The following OSBPL9 variants were observed in gnomAD, a reference collection of about 807,000 sequenced individuals.
OSBPL9 encodes oxysterol-binding protein-related protein 9.
Under a neutral mutation model 106.6 loss-of-function variants are expected in OSBPL9, and 40 were observed. That is an observed-to-expected ratio of 0.38 (90% CI 0.29 to 0.49). The LOEUF is 0.49. Among genes scored for constraint, OSBPL9 ranks in the 20% least tolerant of loss-of-function variants. The pLI, the probability that OSBPL9 is intolerant of heterozygous loss-of-function variation, is 0.97. For synonymous variants in OSBPL9, 269 were observed against 295.4 expected (o/e 0.91, Z 0.92); for missense variants, 609 against 887.2 (o/e 0.69, Z 3.98).
intron 4 of OSBPL9, among the ~76,000 whole-genome samples, chr1:51,716,874 T>TA (rs1016695375): frequency 3.3e-5 from 5 of 151,698 alleles, no homozygotes; most frequent in Non-Finnish European, 5.9e-5. Context: ...TTGCTTTTTT[T>TA]AAAAAAAAAT....
intron 3 of OSBPL9, among the ~76,000 whole-genome samples, chr1:51,683,761 C>T (rs1653133346): frequency 1.3e-5 from 2 of 151,806 alleles, no homozygotes; most frequent in Admixed American, 1.3e-4. Flanking sequence ...CCCCTGCTCT[C>T]CAACCTGGGC....
chr1:51,523,261 T>A, the OSBPL9 span, among the ~76,000 whole-genome samples: 1 of 152,056 alleles, frequency 6.6e-6, no homozygotes, highest in African/African-American at 2.4e-5. Flanking sequence ...GTTTTCTTTT[T>A]TTTGTTTTAT....
intron 5 of OSBPL9, among the ~76,000 whole-genome samples, chr1:51,746,349 CT>C (rs201500661): frequency 0.041 from 6,279 of 152,074 alleles, 159 homozygotes; most frequent in Middle Eastern, 0.065. Flanking sequence ...CCTTCAGTTC[CT>C]ACTTAAAATT....
intron 7 of OSBPL9, among the ~76,000 whole-genome samples, chr1:51,749,069 G>C (rs901663367): frequency 9.2e-5 from 14 of 151,378 alleles, no homozygotes; most frequent in African/African-American, 2.7e-4. Flanking sequence ...TGGGCAACAA[G>C]AGCGAAACTG....
At chr1:51,538,927 T>C in the OSBPL9 span, among the ~76,000 whole-genome samples, 1 of 152,214 alleles carries the variant, frequency 6.6e-6, no homozygotes, top group South Asian at 2.1e-4. Flanking sequence ...ATTTACTCTC[T>C]CTTCGCAGGT....
chr1:51,699,961 T>C (rs1656883911), intron 3 of OSBPL9, among the ~76,000 whole-genome samples: 1 of 152,228 alleles, frequency 6.6e-6, no homozygotes. Context: ...CCAGTTACAG[T>C]CTATCACAAC....
At chr1:51,530,391 GC>G in the OSBPL9 span, among the ~76,000 whole-genome samples, 1 of 151,792 alleles carries the variant, frequency 6.6e-6, no homozygotes, top group African/African-American at 2.4e-5. Flanking sequence ...GAAAATATTT[GC>G]AAATCATATA....
intron 1 of OSBPL9, among the ~76,000 whole-genome samples, chr1:51,592,919 T>C (rs571877230): frequency 2.4e-4 from 36 of 152,286 alleles, no homozygotes; most frequent in Non-Finnish European, 4.6e-4. Flanking sequence ...AAAAGCCAGC[T>C]GGGGCAGGGA....
chr1:51,786,086 G>A (rs1413429653), intron 21 of OSBPL9, 200 bp downstream of exon 21: 2 of 563,262 alleles, frequency 3.6e-6, no homozygotes, highest in Non-Finnish European at 6.2e-6. Context: ...TCTCCCAGCA[G>A]TATAGGTAAT....
At chr1:51,571,559 C>G in the OSBPL9 span, among the ~76,000 whole-genome samples, 2 of 152,012 alleles carry the variant, frequency 1.3e-5, no homozygotes, top group Admixed American at 6.6e-5. Context: ...CCCAGCTACT[C>G]CAGAGGCTGA....
intron 22 of OSBPL9, among the ~76,000 whole-genome samples, chr1:51,787,024 A>G (rs1483879854): frequency 6.6e-6 from 1 of 152,240 alleles, no homozygotes; most frequent in Admixed American, 6.5e-5. Context: ...CTCAAGCCCT[A>G]CAGAGGTAAA....
At chr1:51,701,571 A>G (rs1198949375) in intron 3 of OSBPL9, among the ~76,000 whole-genome samples, 1 of 152,122 alleles carries the variant, frequency 6.6e-6, no homozygotes, top group Non-Finnish European at 1.5e-5. Context: ...CAAATTTACT[A>G]ACTAGAGTAT....
Position 51,761,971 on chromosome 1 carries a change from G to T in OSBPL9, c.778G>T (p.Gly260Cys). The change falls in exon 11 of 24, where the codon GGC (glycine) becomes TGC (cysteine). Residue 260 changes from glycine to cysteine, a missense_variant and splice_region_variant. By Grantham distance (159) the Gly-to-Cys change is radical. Around this residue, in one of 5 missense-constraint regions of OSBPL9, gnomAD observed 356 missense variants for 505.8 expected, o/e 0.70. Coordinates refer to ENST00000428468, the MANE Select transcript of OSBPL9 (RefSeq NM_024586.6). ...TCAGACTCCTACACCAAATAGTACA[G>T]GTACAGATTTGCATAATTTCTTTAT... ...HHQTPTPNST[G>C]SGHSPPSSSL... 6.3e-7 allele frequency: 1 copy of T among 1,589,552 alleles called. No individual in the cohort carries two copies. Among genetic ancestry groups the T allele is most frequent in the South Asian group, 1.1e-5 (1 of 90,558 alleles).
the OSBPL9 span, among the ~76,000 whole-genome samples, chr1:51,530,545 G>T: frequency 6.6e-6 from 1 of 150,772 alleles, no homozygotes; most frequent in Non-Finnish European, 1.5e-5. Context: ...TGAAGCCAAG[G>T]AGTTCAAGAC....
At chr1:51,695,242 G>GGT (rs1007895009) in intron 3 of OSBPL9, among the ~76,000 whole-genome samples, 106 of 152,246 alleles carry the variant, frequency 7.0e-4, no homozygotes, top group African/African-American at 2.4e-3. Flanking sequence ...AGCATGTAGT[G>GGT]GTAAAGAATT....
At chr1:51,542,138 C>T in the OSBPL9 span, among the ~76,000 whole-genome samples, 1 of 152,198 alleles carries the variant, frequency 6.6e-6, no homozygotes, top group Non-Finnish European at 1.5e-5. Context: ...GTCCATCCAC[C>T]CTGGCCTCCC....
chr1:51,711,481 T>A, intron 3 of OSBPL9, among the ~76,000 whole-genome samples: 1 of 128,874 alleles, frequency 7.8e-6, no homozygotes, highest in Non-Finnish European at 1.7e-5. Context: ...CCCACCTCCC[T>A]CCCGGACGGG....
At chr1:51,545,461 T>C in the OSBPL9 span, among the ~76,000 whole-genome samples, 1 of 152,124 alleles carries the variant, frequency 6.6e-6, no homozygotes, top group Non-Finnish European at 1.5e-5. Flanking sequence ...TAGTCCCAGC[T>C]ACAGTCCCAC....
intron 4 of OSBPL9, among the ~76,000 whole-genome samples, chr1:51,743,210 C>T (rs763672755): frequency 6.6e-6 from 1 of 152,188 alleles, no homozygotes; most frequent in East Asian, 1.9e-4. Flanking sequence ...TCATTATAAA[C>T]CTCCTGTTAC....
Sources: allele counts gnomAD v4.1 joint callset (sites outside exome capture counted in the v4.1 genomes callset), GRCh38; gene constraint gnomAD v4.1.1; regional missense constraint gnomAD v4.1.1; transcripts MANE v1.5; gene names NCBI Gene and HGNC (gene_info 2026-07-23, HGNC 2026-07-21).